Variants in FAM13A observed in about 807,000 individuals in gnomAD.
FAM13A encodes the protein family with sequence similarity 13 member A, also known as protein FAM13A.
In FAM13A, 76 loss-of-function variants were observed where a neutral mutation model predicts 129.6. The ratio of observed to expected loss-of-function variants is 0.59; its 90% CI spans 0.49 to 0.71. The LOEUF (loss-of-function observed/expected upper bound fraction) is 0.71. Ranked by LOEUF, FAM13A falls within the 30% of genes least tolerant of loss-of-function variation. The probability of loss-of-function intolerance (pLI) is 0.00; values close to 1 mark genes in which losing one functional copy is unlikely to be tolerated. For missense variants in FAM13A, 1,108 were observed against 1,249.3 expected (o/e 0.89, Z 1.70); for synonymous variants, 443 against 449.9 (o/e 0.98, Z 0.20).
At chr4:88,958,245 G>A (rs893062172) in intron 4 of FAM13A, among the ~76,000 whole-genome samples, 1 of 152,100 alleles carries the variant, frequency 6.6e-6, no homozygotes, top group East Asian at 1.9e-4. Flanking sequence ...AGGCCCAGAG[G>A]CCTAGGAAAA....
intron 4 of FAM13A, among the ~76,000 whole-genome samples, chr4:88,980,114 G>C (rs1761464128): frequency 6.6e-6 from 1 of 152,170 alleles, no homozygotes; most frequent in Non-Finnish European, 1.5e-5. Flanking sequence ...GACATGCCAT[G>C]ATAAACAACA....
At chr4:89,049,661 T>C (rs570519182) in intron 1 of FAM13A, among the ~76,000 whole-genome samples, 1 of 152,312 alleles carries the variant, frequency 6.6e-6, no homozygotes, top group South Asian at 2.1e-4. Flanking sequence ...TGTATTACTA[T>C]TTTGTTTTGT....
chr4:88,964,294 A>G (rs1451774922), intron 4 of FAM13A, among the ~76,000 whole-genome samples: 1 of 152,228 alleles, frequency 6.6e-6, no homozygotes, highest in Non-Finnish European at 1.5e-5. Context: ...AGGGCAAGAT[A>G]GCCTCTCCCC....
intron 5 of FAM13A, among the ~76,000 whole-genome samples, chr4:88,920,321 C>T (rs1750842464): frequency 6.6e-6 from 1 of 152,154 alleles, no homozygotes; most frequent in Non-Finnish European, 1.5e-5. Context: ...AAACTGACAC[C>T]TCACACGGCC....
chr4:88,932,851 C>T (rs1000434744), intron 5 of FAM13A, among the ~76,000 whole-genome samples: 1 of 152,096 alleles, frequency 6.6e-6, no homozygotes, highest in African/African-American at 2.4e-5. Flanking sequence ...TTGCTCAGAG[C>T]ATTTGTTAGT....
rs1255062492 is a variant in FAM13A at position 88,726,058 on chromosome 4, T to G, written c.*2475A>C. 1 of 152,216 alleles carries G rather than the reference T, an allele frequency of 6.6e-6. No individual in the cohort carries two copies. Among genetic ancestry groups the G allele is most frequent in the Non-Finnish European group, 1.5e-5 (1 of 68,042 alleles). The allele number at this position is 152,216 out of a possible 1,614,324, so 9.4% of individuals were successfully genotyped here. Reference sequence around the variant, plus strand: ...CATGTGCTAATTAATAAACACATATTCCCAACACAGCAAAGGAAAAATCCC... The same window carrying G: ...CATGTGCTAATTAATAAACACATATGCCCAACACAGCAAAGGAAAAATCCC... On this transcript the variant is annotated 3_prime_UTR_variant, in exon 24 of 24. Coordinates refer to ENST00000264344, the MANE Select transcript of FAM13A (RefSeq NM_014883.4).
chr4:88,803,759 T>C (rs1300550752), intron 8 of FAM13A, among the ~76,000 whole-genome samples: 1 of 152,206 alleles, frequency 6.6e-6, no homozygotes, highest in Non-Finnish European at 1.5e-5. Flanking sequence ...AAAGTGATTA[T>C]GCAATATGCT....
chr4:88,812,257 T>C (rs1578774163), intron 7 of FAM13A, among the ~76,000 whole-genome samples: 1 of 152,188 alleles, frequency 6.6e-6, no homozygotes, highest in African/African-American at 2.4e-5. Flanking sequence ...AATTACCAAA[T>C]TGTACGGATT....
chr4:89,009,477 C>A (rs949862001), intron 3 of FAM13A, among the ~76,000 whole-genome samples: 1 of 152,144 alleles, frequency 6.6e-6, no homozygotes, highest in Non-Finnish European at 1.5e-5. Context: ...TTAGAGAAAA[C>A]CAGATCCACA....
chr4:88,925,198 T>C (rs1236455476), intron 5 of FAM13A, among the ~76,000 whole-genome samples: 3 of 152,154 alleles, frequency 2.0e-5, no homozygotes, highest in African/African-American at 7.2e-5. Flanking sequence ...AGCCATCCCA[T>C]TAGTGGGTAT....
intron 1 of FAM13A, among the ~76,000 whole-genome samples, chr4:89,038,954 CCTTAA>C (rs1389531018): frequency 2.0e-5 from 3 of 152,260 alleles, no homozygotes; most frequent in Non-Finnish European, 4.4e-5. Flanking sequence ...GCTATAATCA[CCTTAA>C]CTTGTTACCC....
At chr4:89,006,271 C>T (rs975594713) in intron 3 of FAM13A, among the ~76,000 whole-genome samples, 2 of 152,194 alleles carry the variant, frequency 1.3e-5, no homozygotes, top group African/African-American at 4.8e-5. Context: ...GTCTATGTGC[C>T]TTCCAAGGCA....
chr4:88,987,658 T>C (rs887917480), intron 4 of FAM13A, among the ~76,000 whole-genome samples: 2 of 151,002 alleles, frequency 1.3e-5, no homozygotes, highest in East Asian at 2.0e-4. Context: ...ATCGAGACCA[T>C]GGTGAAACCC....
At chr4:88,768,838 A>C (rs574932865) in intron 11 of FAM13A, among the ~76,000 whole-genome samples, 81 of 152,310 alleles carry the variant, frequency 5.3e-4, no homozygotes, top group African/African-American at 1.9e-3. Context: ...TATATGTAAG[A>C]TATCTTTGAC....
At chr4:88,859,247 T>C (rs1739076038) in intron 6 of FAM13A, among the ~76,000 whole-genome samples, 1 of 152,124 alleles carries the variant, frequency 6.6e-6, no homozygotes, top group African/African-American at 2.4e-5. Context: ...CATATTTCTA[T>C]GCAAATGGGA....
chr4:89,052,302 C>CTTTAT lies in FAM13A; in HGVS notation c.27+4631_27+4635dup, dbSNP rs201127557. 3.8e-4 allele frequency among the ~76,000 whole-genome samples: 55 copies of CTTTAT among 143,110 alleles called. No individual in the cohort carries two copies. In the East Asian group the frequency reaches 0.011, roughly 28 times the overall value. 93.9% of individuals were successfully genotyped at this position (143,110 alleles called of 152,430 possible). A position where few individuals can be genotyped will look rare whatever the true frequency, so the allele number is the denominator to read the frequency against. ...TTTTCTTTTATTTTATTTTACTTTA[C>CTTTAT]TTTATTTTATTTTATTATTATTATA... On this transcript the variant is annotated intron_variant, in intron 1 of 23. Transcript: ENST00000264344.
intron 3 of FAM13A, 89 bp from the exon 4 acceptor site, chr4:88,991,239 A>T (rs1159989890): frequency 9.2e-6 from 9 of 979,328 alleles, no homozygotes; most frequent in Non-Finnish European, 1.3e-5. Flanking sequence ...CTAACATTTT[A>T]TTCAGAAAAA....
chr4:88,765,848 G>A (rs532451478), intron 13 of FAM13A, among the ~76,000 whole-genome samples: 1 of 152,140 alleles, frequency 6.6e-6, no homozygotes, highest in South Asian at 2.1e-4. Context: ...TATTATTAGT[G>A]AACGCCTAAG....
intron 6 of FAM13A, among the ~76,000 whole-genome samples, chr4:88,881,254 G>A (rs1021225931): frequency 6.6e-6 from 1 of 152,176 alleles, no homozygotes; most frequent in African/African-American, 2.4e-5. Context: ...ACTTAAGTGG[G>A]GGCTCGTATC....
Sources: allele counts gnomAD v4.1 joint callset (sites outside exome capture counted in the v4.1 genomes callset), GRCh38; gene constraint gnomAD v4.1.1; transcripts MANE v1.5; gene names NCBI Gene and HGNC (gene_info 2026-07-23, HGNC 2026-07-21).